FABP12: variants seen among roughly 807,000 people sequenced by gnomAD.
FABP12 encodes fatty acid-binding protein 12.
A neutral mutation model predicts 13.7 loss-of-function variants in FABP12; 19 were observed. That is an observed-to-expected ratio of 1.39 (90% CI 0.97 to 2.04). The LOEUF (loss-of-function observed/expected upper bound fraction) is 2.04, where lower values mean the gene tolerates loss of function less well. FABP12 is among the 30% of genes most tolerant of loss of function. FABP12 has a pLI of 0.00. For missense variants in FABP12, 182 were observed against 164.2 expected, an observed-to-expected ratio of 1.11 and a Z score of -0.59; for synonymous variants, 61 against 57.0, an observed-to-expected ratio of 1.07 and a Z score of -0.32.
chr8:81,533,617 T>C (rs919313532), intron 1 of FABP12, among the ~76,000 whole-genome samples, 185 bp downstream of exon 1: 1 of 152,210 alleles, frequency 6.6e-6, no homozygotes, highest in African/African-American at 2.4e-5. Context: ...ATGAAACCAC[T>C]GCCCATTTTT....
intron 1 of FABP12, among the ~76,000 whole-genome samples, chr8:81,580,795 G>A (rs1464398418): frequency 1.4e-5 from 2 of 146,768 alleles, no homozygotes; most frequent in Non-Finnish European, 3.0e-5. Flanking sequence ...CTTAAAACAG[G>A]CCTTTCTACC....
chr8:81,581,413 G>T (rs1025992671), intron 1 of FABP12, among the ~76,000 whole-genome samples: 3 of 151,682 alleles, frequency 2.0e-5, no homozygotes, highest in African/African-American at 7.3e-5. Flanking sequence ...TTAGCATCCT[G>T]GGGGGATAAA....
rs117765534 is a variant in FABP12, at chr8:81,572,247, G to A, written c.-185+17806C>T. 1.3e-3 allele frequency among the ~76,000 whole-genome samples: 205 copies of A among 152,198 alleles called. 2 individuals carry two copies. The East Asian group carries it at 0.037, about 27-fold the overall frequency. On this transcript the variant is annotated intron_variant, in intron 1 of 5. Coordinates refer to the FABP12 transcript ENST00000692030. Reference sequence around the variant, plus strand: ...CTGAGTTACTTCACTTAGAATAATAGTTTCCTGTCTCATCCTGGTCACTGC... The same window carrying A: ...CTGAGTTACTTCACTTAGAATAATAATTTCCTGTCTCATCCTGGTCACTGC...
intron 1 of FABP12, among the ~76,000 whole-genome samples, chr8:81,556,124 A>T (rs192401556): frequency 1.0e-3 from 158 of 152,292 alleles, no homozygotes; most frequent in African/African-American, 3.7e-3. Context: ...TAAGATTTTT[A>T]AAATTGTATG....
Position 81,557,117 on chromosome 8 carries a change from C to T in FABP12, c.-184-17374G>A, listed in dbSNP as rs1218797623. Among the ~76,000 whole-genome samples the T allele has an allele frequency of 2.6e-5, 4 of 152,078 alleles. 1 individual carries two copies. Among genetic ancestry groups the T allele is most frequent in the Admixed American group, 6.5e-5 (1 of 15,284 alleles). On this transcript the variant is annotated intron_variant, in intron 1 of 5. Transcript: ENST00000692030. ...CTCGAATTCCTGACCTCAGGTGATC[C>T]GCCCACCTCAGCCTCCCAAAGTGCT...
At chr8:81,525,200 C>T (rs1808861935) in intron 4 of FABP12, 80 bp from the exon 5 acceptor site, 1 of 887,556 alleles carries the variant, frequency 1.1e-6, no homozygotes, top group Non-Finnish European at 1.8e-6. Context: ...TAAGTACTAT[C>T]CACACATACA....
chr8:81,549,671 G>A (rs1281854060), intron 1 of FABP12, among the ~76,000 whole-genome samples: 3 of 152,210 alleles, frequency 2.0e-5, no homozygotes, highest in African/African-American at 7.2e-5. Context: ...ATAGGGTACT[G>A]AAGAATGAGG....
chr8:81,561,796 G>A (rs1281053780), intron 1 of FABP12, among the ~76,000 whole-genome samples: 1 of 152,168 alleles, frequency 6.6e-6, no homozygotes, highest in African/African-American at 2.4e-5. Context: ...TTTGGAACCT[G>A]AGTTCCAGCT....
chr8:81,551,638 CAA>C (rs1408135120), intron 1 of FABP12, among the ~76,000 whole-genome samples: 1 of 152,088 alleles, frequency 6.6e-6, no homozygotes, highest in Non-Finnish European at 1.5e-5. Context: ...ATATTTAGCT[CAA>C]GAGACACTTA....
At chr8:81,526,864 T>C (rs11995518) in intron 4 of FABP12, among the ~76,000 whole-genome samples, 156 bp downstream of exon 4, 11,051 of 152,246 alleles carry the variant, frequency 0.073, 719 homozygotes, top group African/African-American at 0.17. Context: ...TTTTATATAA[T>C]GCTTACGATT....
intron 1 of FABP12, among the ~76,000 whole-genome samples, chr8:81,543,911 A>G (rs1045114573): frequency 6.6e-6 from 1 of 152,144 alleles, no homozygotes. Context: ...TATAGGAAAG[A>G]GAGAGAGACA....
At chr8:81,587,792 C>T (rs1049870563) in intron 1 of FABP12, among the ~76,000 whole-genome samples, 3 of 151,868 alleles carry the variant, frequency 2.0e-5, no homozygotes, top group Admixed American at 6.6e-5. Context: ...TATAAATAAA[C>T]GGGAGTTTAT....
chr8:81,534,078 A>G (rs1563544584), upstream of FABP12, among the ~76,000 whole-genome samples: 1 of 152,040 alleles, frequency 6.6e-6, no homozygotes, highest in Non-Finnish European at 1.5e-5. Context: ...CATTGGTGCT[A>G]TGATGCTCAC....
At chr8:81,555,911 A>G (rs1809606099) in intron 1 of FABP12, among the ~76,000 whole-genome samples, 1 of 152,166 alleles carries the variant, frequency 6.6e-6, no homozygotes. Context: ...AATTAGACAA[A>G]TTTAATTTGT....
intron 1 of FABP12, among the ~76,000 whole-genome samples, chr8:81,565,354 A>T (rs1003510790): frequency 2.0e-5 from 3 of 152,090 alleles, no homozygotes; most frequent in African/African-American, 7.2e-5. Flanking sequence ...AGGTATTTGC[A>T]GGACTTTTCA....
chr8:81,534,379 T>C (rs937632869), upstream of FABP12, among the ~76,000 whole-genome samples: 9 of 152,176 alleles, frequency 5.9e-5, no homozygotes, highest in Non-Finnish European at 1.5e-5. Flanking sequence ...CACAAGAATT[T>C]TGATAGAACA....
chr8:81,553,243 T>C (rs937214926), intron 1 of FABP12, among the ~76,000 whole-genome samples: 13 of 152,290 alleles, frequency 8.5e-5, no homozygotes, highest in Middle Eastern at 3.4e-3. Context: ...CAGGAGCTCT[T>C]ATTTTATTAA....
chr8:81,549,088 G>A (rs1053443632), intron 1 of FABP12, among the ~76,000 whole-genome samples: 2 of 152,086 alleles, frequency 1.3e-5, no homozygotes, highest in African/African-American at 4.8e-5. Flanking sequence ...CAAACTGCCT[G>A]TAGGACTCAG....
intron 1 of FABP12, among the ~76,000 whole-genome samples, chr8:81,581,171 T>C (rs975103500): frequency 1.6e-4 from 24 of 152,134 alleles, no homozygotes; most frequent in African/African-American, 5.8e-4. Flanking sequence ...AAGGATACAA[T>C]GAAAGCTGGA....
Sources: gnomAD v4.1 joint callset for allele counts (sites outside exome capture counted in the v4.1 genomes callset) on GRCh38, gnomAD v4.1.1 for gene constraint, MANE v1.5 for transcripts, NCBI Gene and HGNC (gene_info 2026-07-23, HGNC 2026-07-21) for gene names.